BRSK2: variants seen among roughly 807,000 people sequenced by gnomAD.
BRSK2 encodes BR serine/threonine kinase 2.
A neutral mutation model predicts 83.3 loss-of-function variants in BRSK2; 19 were observed. The ratio of observed to expected loss-of-function variants is 0.23; its 90% CI spans 0.16 to 0.33. BRSK2 has a LOEUF of 0.33. Ranked by LOEUF, BRSK2 falls within the 10% of genes least tolerant of loss-of-function variation. The pLI, the probability that BRSK2 is intolerant of heterozygous loss-of-function variation, is 1.00. For synonymous variants in BRSK2, 519 were observed against 435.4 expected (o/e 1.19, Z -2.39); for missense variants, 798 against 1,042.3 (o/e 0.77, Z 3.23).
intron 1 of BRSK2, among the ~76,000 whole-genome samples, chr11:1,429,671 T>C (rs550501341): frequency 0.083 from 2 of 24 alleles, 1 homozygote; most frequent in African/African-American, 1. Flanking sequence ...GCCACTGTGC[T>C]CAGCAGTGAG....
chr11:1,425,185 C>T (rs539248332), intron 1 of BRSK2, among the ~76,000 whole-genome samples: 34 of 152,350 alleles, frequency 2.2e-4, no homozygotes, highest in Admixed American at 6.5e-4. Context: ...CTCAGCTCCC[C>T]GGGTCATCAG....
At chr11:1,406,454 A>G (rs1846883260) in intron 1 of BRSK2, among the ~76,000 whole-genome samples, 2 of 152,206 alleles carry the variant, frequency 1.3e-5, no homozygotes, top group Admixed American at 1.3e-4. Flanking sequence ...CCTGGGTGAT[A>G]GAGCAAGACT....
chr11:1,436,813 C>G (rs1850367853), intron 2 of BRSK2, among the ~76,000 whole-genome samples: 1 of 152,050 alleles, frequency 6.6e-6, no homozygotes, highest in South Asian at 2.1e-4. Context: ...TCCATTCGCT[C>G]CTTGGCATGC....
chr11:1,406,431 C>A (rs1457611316), intron 1 of BRSK2, among the ~76,000 whole-genome samples: 1 of 152,194 alleles, frequency 6.6e-6, no homozygotes, highest in Non-Finnish European at 1.5e-5. Flanking sequence ...GAGATCACGC[C>A]ACTGCACTCC....
chr11:1,442,887 C>T (rs368459506), intron 5 of BRSK2, among the ~76,000 whole-genome samples: 7 of 152,158 alleles, frequency 4.6e-5, no homozygotes, highest in African/African-American at 1.7e-4. Flanking sequence ...CCCCTGGCCC[C>T]TGCCCAGCCG....
At position 1,454,653 on chromosome 11, in the gene BRSK2, C is replaced by A; in HGVS notation, c.1668+45C>A. 2 of 1,606,728 alleles carry A rather than the reference C, an allele frequency of 1.2e-6. No homozygotes were observed. Among genetic ancestry groups the A allele is most frequent in the Non-Finnish European group, 1.7e-6 (2 of 1,177,558 alleles). ...GGGGAGGCGGGCAGCCCTCCCAACC[C>A]CACACGGCCCAGCCCCGAGAATCCA... On this transcript the variant is annotated intron_variant, in intron 16 of 19. Coordinates refer to ENST00000528841, the MANE Select transcript of BRSK2 (RefSeq NM_001256627.2). The surrounding 1 kb of genome is among the most constrained non-coding windows in gnomAD (Gnocchi z 5.2).
rs532977086 is a variant in BRSK2 at position 1,461,210 on chromosome 11, C to A, written c.*487C>A. 9.0e-6 allele frequency: 6 copies of A among 667,064 alleles called. No homozygotes were observed. Among genetic ancestry groups the A allele is most frequent in the Non-Finnish European group, 1.5e-5 (6 of 412,040 alleles). The allele number at this position is 667,064 out of a possible 1,614,324, so 41.3% of individuals were successfully genotyped here. A position where few individuals can be genotyped will look rare whatever the true frequency, so the allele number is the denominator to read the frequency against. On this transcript the variant is annotated 3_prime_UTR_variant, in exon 20 of 20. Coordinates refer to ENST00000528841, the MANE Select transcript of BRSK2 (RefSeq NM_001256627.2). Reference sequence around the variant, plus strand: ...CGACCCGGACTCCCGGTCACCTGACCCCTCAGCAAGAACAGCCTGCCTGGT... The same window carrying A: ...CGACCCGGACTCCCGGTCACCTGACACCTCAGCAAGAACAGCCTGCCTGGT...
intron 1 of BRSK2, among the ~76,000 whole-genome samples, chr11:1,428,825 G>A (rs955498938): frequency 6.6e-6 from 1 of 151,990 alleles, no homozygotes; most frequent in Non-Finnish European, 1.5e-5. Context: ...GCAGTCGTGT[G>A]TACATGCATG....
At position 1,445,738 on chromosome 11, in the gene BRSK2, G is replaced by T; in HGVS notation, c.1076-19G>T. Reference sequence around the variant, plus strand: ...CCGGGGTCCGGGGGCTGTCTGGCCTGACCTTCGTCTGTACTCAGACCCTCC... The same window carrying T: ...CCGGGGTCCGGGGGCTGTCTGGCCTTACCTTCGTCTGTACTCAGACCCTCC... On this transcript the variant is annotated intron_variant, in intron 11 of 19. Transcript: ENST00000528841. 2 of 1,611,006 alleles carry T rather than the reference G, an allele frequency of 1.2e-6. No homozygotes were observed. Among genetic ancestry groups the T allele is most frequent in the Middle Eastern group, 1.7e-4 (1 of 6,058 alleles).
chr11:1,404,855 G>A (rs1846728445), intron 1 of BRSK2, among the ~76,000 whole-genome samples: 1 of 152,158 alleles, frequency 6.6e-6, no homozygotes, highest in Admixed American at 6.5e-5. Flanking sequence ...CGGGCTGGGG[G>A]CAGGGCTCAG....
At chr11:1,445,714 C>G (rs186303715) in intron 11 of BRSK2, 43 bp from the exon 12 acceptor site, 20 of 1,610,796 alleles carry the variant, frequency 1.2e-5, no homozygotes, top group East Asian at 1.1e-4. Context: ...ACTGCCCCAC[C>G]GGGGTCCGGG....
Position 1,442,523 on chromosome 11 carries a change from G to A in BRSK2, c.447G>A (p.Leu149=). The change falls in exon 5 of 20, where the codon CTG becomes CTA. Residue 149 remains leucine (L), a synonymous_variant. Coordinates refer to ENST00000528841, the MANE Select transcript of BRSK2 (RefSeq NM_001256627.2). ...HRDLKPENLL[L]DEKNNIRIAD... ...ATCTGAAACCTGAAAACCTCCTGCT[G>A]GACGAGAAGAACAACATCCGCATCG... The A allele has an allele frequency of 6.2e-7, 1 of 1,613,098 alleles. No individual in the cohort carries two copies. Among genetic ancestry groups the A allele is most frequent in the Non-Finnish European group, 8.5e-7 (1 of 1,179,748 alleles).
intron 1 of BRSK2, among the ~76,000 whole-genome samples, chr11:1,425,394 C>T (rs1849096528): frequency 1.3e-5 from 2 of 152,178 alleles, no homozygotes; most frequent in Non-Finnish European, 2.9e-5. Context: ...CACTGAGCTC[C>T]CCAGAGTCCA....
In BRSK2 at chr11:1,444,974, G is replaced by A. The variant is rs1851822300; in HGVS notation, c.784G>A (p.Glu262Lys). 1 of 1,612,978 alleles carries A rather than the reference G, an allele frequency of 6.2e-7. No homozygotes were observed. Among genetic ancestry groups the A allele is most frequent in the Non-Finnish European group, 8.5e-7 (1 of 1,179,214 alleles). Residue 262 changes from glutamate (E) to lysine (K), a missense_variant, in exon 9 of 20, where the codon GAG (glutamate) becomes AAG (lysine). Coordinates refer to ENST00000528841, the MANE Select transcript of BRSK2 (RefSeq NM_001256627.2). ...CCCTGTTTCTCTTTCCTTGTAGCTA[G>A]AGCACATTCAGAAACACATATGGTA... ...EVDAARRLTL[E>K]HIQKHIWYIG...
chr11:1,437,305 C>T (rs954183295), intron 2 of BRSK2, among the ~76,000 whole-genome samples: 6 of 152,152 alleles, frequency 3.9e-5, no homozygotes, highest in African/African-American at 1.4e-4. Context: ...CTCGCCAGGG[C>T]TGGGACCCCA....
At chr11:1,452,498 A>T (rs942262167) in intron 15 of BRSK2, among the ~76,000 whole-genome samples, 17 of 152,246 alleles carry the variant, frequency 1.1e-4, no homozygotes, top group Admixed American at 5.9e-4. Flanking sequence ...AAAGCCGAGA[A>T]GGTGGCTTTG....
intron 9 of BRSK2, 59 bp downstream of exon 9, chr11:1,445,061 C>T: frequency 6.3e-7 from 1 of 1,588,686 alleles, no homozygotes; most frequent in Non-Finnish European, 8.6e-7. Flanking sequence ...GCCTGGAGGC[C>T]CTGCTAGGAA....
rs560738557 is a variant in BRSK2, at chr11:1,426,242, G to A, written c.92-9798G>A. Among the ~76,000 whole-genome samples, 357 of 128,718 alleles carry A rather than the reference G, an allele frequency of 2.8e-3. 3 individuals are homozygous for A. Among genetic ancestry groups the A allele is most frequent in the African/African-American group, 0.01 (347 of 33,156 alleles). The allele number at this position is 128,718 out of a possible 152,430, so 84.4% of individuals were successfully genotyped here. A position where few individuals can be genotyped will look rare whatever the true frequency, so the allele number is the denominator to read the frequency against. On this transcript the variant is annotated intron_variant, in intron 1 of 19. Transcript: ENST00000528841. ...TGGGGATGTGTGTGGGGCGTGCTCC[G>A]GGGATGTGTGTGGGGCGTGCTCCGG...
In BRSK2 at chr11:1,460,543, T is replaced by C; in HGVS notation, c.2031T>C (p.Phe677=). ...TCTTTGACGTAATTAAACAACTTTT[T>C]TCAGACGAGAAGAACGGGCAGGCGG... ...SNFFDVIKQL[F]SDEKNGQAAQ... is the part of the protein sequence containing the mutation. The change falls in exon 20 of 20, where the codon TTT becomes TTC. Residue 677 remains phenylalanine, a synonymous_variant. Transcript: ENST00000528841. 1 of 1,526,668 alleles carries C rather than the reference T, an allele frequency of 6.6e-7. No homozygotes were observed. The allele number at this position is 1,526,668 out of a possible 1,614,324, so 94.6% of individuals were successfully genotyped here.
Sources: gnomAD v4.1 joint callset for allele counts (sites outside exome capture counted in the v4.1 genomes callset) on GRCh38, gnomAD v4.1.1 for gene constraint, Gnocchi (gnomAD v3.1) non-coding constraint, MANE v1.5 for transcripts, NCBI Gene and HGNC (gene_info 2026-07-23, HGNC 2026-07-21) for gene names.